POU2F3: variants seen among roughly 807,000 people sequenced by gnomAD.
POU2F3 encodes the protein POU domain, class 2, transcription factor 3.
Under a neutral mutation model 59.2 loss-of-function variants are expected in POU2F3, and 23 were observed. That is an observed-to-expected ratio of 0.39 (90% CI 0.28 to 0.55). The LOEUF (loss-of-function observed/expected upper bound fraction) is 0.55. POU2F3 is among the 20% of genes least tolerant of loss of function. The pLI, the probability that POU2F3 is intolerant of heterozygous loss-of-function variation, is 0.66. For missense variants in POU2F3, 473 were observed against 544.5 expected, an observed-to-expected ratio of 0.87 and a Z score of 1.31; for synonymous variants, 190 against 214.6, an observed-to-expected ratio of 0.89 and a Z score of 1.00.
At chr11:120,251,596 TC>T (rs892275110) in intron 2 of POU2F3, among the ~76,000 whole-genome samples, 1 of 151,748 alleles carries the variant, frequency 6.6e-6, no homozygotes, top group Non-Finnish European at 1.5e-5. Context: ...GAAACTGTAG[TC>T]CCCCCCAGAC....
chr11:120,314,000 C>A (rs559571240), intron 10 of POU2F3, among the ~76,000 whole-genome samples: 1 of 152,034 alleles, frequency 6.6e-6, no homozygotes, highest in Non-Finnish European at 1.5e-5. Flanking sequence ...GGTGACAGAG[C>A]GAGACTCCAT....
chr11:120,304,899 G>A (rs1450598651), intron 6 of POU2F3, 131 bp from the exon 7 acceptor site: 1 of 684,314 alleles, frequency 1.5e-6, no homozygotes, highest in Admixed American at 3.2e-5. Flanking sequence ...AATGTACCCA[G>A]GGTGTATCCA....
At chr11:120,277,083 CA>C (rs1349428735) in intron 3 of POU2F3, among the ~76,000 whole-genome samples, 2 of 151,770 alleles carry the variant, frequency 1.3e-5, no homozygotes, top group South Asian at 2.1e-4. Flanking sequence ...TACAAAAATA[CA>C]AAAAAATATT....
chr11:120,302,913 T>A (rs1418308746), intron 6 of POU2F3: 1 of 152,386 alleles, frequency 6.6e-6, no homozygotes. Flanking sequence ...CAGCACCTTT[T>A]TTCCAACTAG....
rs1172842572 is a variant in POU2F3, at chr11:120,298,401, G to A, written c.258+11G>A. 1.2e-6 allele frequency: 2 copies of A among 1,613,086 alleles called. No homozygotes were observed. Among genetic ancestry groups the A allele is most frequent in the African/African-American group, 1.3e-5 (1 of 74,890 alleles). On this transcript the variant is annotated intron_variant, in intron 4 of 12. Transcript: ENST00000543440. ...GCCAGCCCATGTCAGGTAACACTGT[G>A]ATTTTCACAGTGGGCCAGTGTGTTT...
At chr11:120,306,488 G>A (rs1388862267) in intron 8 of POU2F3, among the ~76,000 whole-genome samples, 1 of 152,150 alleles carries the variant, frequency 6.6e-6, no homozygotes, top group Non-Finnish European at 1.5e-5. Context: ...TGCATTGCAG[G>A]ATGTTTTGAG....
intron 2 of POU2F3, chr11:120,265,943 C>T (rs1939811465): frequency 6.6e-6 from 1 of 152,214 alleles, no homozygotes; most frequent in African/African-American, 2.4e-5. Flanking sequence ...AAACTTGACC[C>T]TTTTTTCTTC....
At chr11:120,300,756 T>G (rs990883771) in intron 5 of POU2F3, 1 of 258,282 alleles carries the variant, frequency 3.9e-6, no homozygotes, top group African/African-American at 2.6e-5. Flanking sequence ...AGAGCAAAAC[T>G]CTGTCTCTGA....
chr11:120,299,537 C>T (rs1941284224), intron 4 of POU2F3, 87 bp from the exon 5 acceptor site: 1 of 1,206,202 alleles, frequency 8.3e-7, no homozygotes, highest in Non-Finnish European at 1.2e-6. Flanking sequence ...AGTCTGGAGA[C>T]CCCTGGGACG....
chr11:120,236,708 G>A (rs1251001864), upstream of POU2F3: 20 of 1,489,476 alleles, frequency 1.3e-5, no homozygotes, highest in African/African-American at 9.7e-5. Flanking sequence ...GGAGGAAGGG[G>A]TAAAGGAGTT....
rs1014248146 is a variant in POU2F3, at chr11:120,301,500, C to A, written c.362-786C>A. The A allele has an allele frequency of 1.3e-4, 20 of 156,152 alleles. No homozygotes were observed. The Admixed American group carries it at 1.3e-3, about 10-fold the overall frequency. 9.7% of individuals were successfully genotyped at this position (156,152 alleles called of 1,614,324 possible). ...TATGTACATTGTGACCCAGAACAGCCTAGGGAAAACAGAGACCCCAAAGTG... is the reference window on the plus strand; with the variant it reads ...TATGTACATTGTGACCCAGAACAGCATAGGGAAAACAGAGACCCCAAAGTG... On this transcript the variant is annotated intron_variant, in intron 5 of 12. Transcript: ENST00000543440.
At chr11:120,286,539 G>T (rs1004558545) in intron 3 of POU2F3, among the ~76,000 whole-genome samples, 1 of 152,192 alleles carries the variant, frequency 6.6e-6, no homozygotes, top group Non-Finnish European at 1.5e-5. Context: ...CAGTAATGGG[G>T]CCTGCCCTCA....
rs112816535 is a variant in POU2F3 at position 120,285,487 on chromosome 11, G to C, written c.133-12778G>C. The stretch of plus-strand genomic sequence containing the variant: ...ATCCCTTTTCTGTGTAAATATCCTG[G>C]ATCTGTAAACGATTCCATATGTTAT... On this transcript the variant is annotated intron_variant, in intron 3 of 12. Coordinates refer to ENST00000543440, the MANE Select transcript of POU2F3 (RefSeq NM_014352.4). This position sits in a 1 kb window ranked among gnomAD's most constrained non-coding sequence, Gnocchi z 4.3. Among the ~76,000 whole-genome samples, 575 of 152,196 alleles carry C rather than the reference G, an allele frequency of 3.8e-3. 7 individuals are homozygous for C. Among genetic ancestry groups the C allele is most frequent in the Middle Eastern group, 0.024 (7 of 294 alleles).
intron 10 of POU2F3, among the ~76,000 whole-genome samples, chr11:120,311,528 A>G (rs1220054226): frequency 6.6e-6 from 1 of 152,206 alleles, no homozygotes; most frequent in Admixed American, 6.5e-5. Flanking sequence ...CTTGGCATTC[A>G]GGCTGGGCTA....
intron 3 of POU2F3, among the ~76,000 whole-genome samples, chr11:120,290,019 G>C (rs1940964784): frequency 6.6e-6 from 1 of 152,182 alleles, no homozygotes; most frequent in Non-Finnish European, 1.5e-5. Flanking sequence ...AATGGAAGGG[G>C]AACCTTTATA....
At chr11:120,272,959 G>A (rs927969825) in intron 3 of POU2F3, among the ~76,000 whole-genome samples, 2 of 152,186 alleles carry the variant, frequency 1.3e-5, no homozygotes, top group African/African-American at 4.8e-5. Flanking sequence ...GATGCTGTCT[G>A]AGGCCCCAAA....
chr11:120,268,478 C>G (rs1266896851), intron 2 of POU2F3, among the ~76,000 whole-genome samples: 1 of 152,054 alleles, frequency 6.6e-6, no homozygotes, highest in African/African-American at 2.4e-5. Context: ...GTAGCTGGGA[C>G]TACAGGCATG....
chr11:120,271,061 G>T (rs1940049268), intron 3 of POU2F3, among the ~76,000 whole-genome samples: 1 of 152,168 alleles, frequency 6.6e-6, no homozygotes, highest in Non-Finnish European at 1.5e-5. Flanking sequence ...TCAGAGAGAA[G>T]AATAATGTTG....
intron 10 of POU2F3, among the ~76,000 whole-genome samples, chr11:120,312,018 G>T (rs1189000357): frequency 6.6e-6 from 1 of 152,214 alleles, no homozygotes; most frequent in Non-Finnish European, 1.5e-5. Flanking sequence ...TCCCAGGAGG[G>T]TGAATATCTA....
Sources: allele counts gnomAD v4.1 joint callset (sites outside exome capture counted in the v4.1 genomes callset), GRCh38; gene constraint gnomAD v4.1.1; non-coding constraint Gnocchi (gnomAD v3.1); transcripts MANE v1.5; gene names NCBI Gene and HGNC (gene_info 2026-07-23, HGNC 2026-07-21).